The following CDH12 variants were observed in gnomAD, a reference collection of about 807,000 sequenced individuals.
CDH12 encodes cadherin 12, also known as cadherin-12.
CDH12 carries 41 observed loss-of-function variants against 74.1 expected under a neutral mutation model. That is an observed-to-expected ratio of 0.55 (90% confidence interval 0.43 to 0.72). CDH12 has a LOEUF of 0.72. Among genes scored for constraint, CDH12 ranks in the 30% least tolerant of loss-of-function variants. The probability of loss-of-function intolerance (pLI) is 0.00; values close to 1 mark genes in which losing one functional copy is unlikely to be tolerated. For synonymous variants in CDH12, 399 were observed against 355.0 expected (o/e 1.12, Z -1.39); for missense variants, 945 against 977.2 (o/e 0.97, Z 0.44).
intron 1 of CDH12, among the ~76,000 whole-genome samples, chr5:22,613,297 T>G (rs1464305137): frequency 6.6e-6 from 1 of 152,124 alleles, no homozygotes; most frequent in East Asian, 1.9e-4. Context: ...GAGAAGATAA[T>G]TTTTATAAAT....
At chr5:21,853,714 AATGT>A (rs1289649445) in intron 7 of CDH12, among the ~76,000 whole-genome samples, 1 of 151,700 alleles carries the variant, frequency 6.6e-6, no homozygotes, top group Non-Finnish European at 1.5e-5. Context: ...AACTTATTTG[AATGT>A]ATAGTGTCTG....
At chr5:22,530,155 C>T (rs1195629898) in intron 1 of CDH12, among the ~76,000 whole-genome samples, 2 of 152,052 alleles carry the variant, frequency 1.3e-5, no homozygotes, top group African/African-American at 4.8e-5. Context: ...GAGTAAGTTC[C>T]TTCTGAAGAA....
At chr5:22,116,608 GA>G (rs1282291134) in intron 4 of CDH12, among the ~76,000 whole-genome samples, 1,542 of 132,154 alleles carry the variant, frequency 0.012, 23 homozygotes, top group African/African-American at 0.039. Context: ...CTGTTTCAAA[GA>G]AAAAAAAAAA....
intron 1 of CDH12, among the ~76,000 whole-genome samples, chr5:22,781,920 G>A (rs909973175): frequency 1.3e-5 from 2 of 152,134 alleles, no homozygotes; most frequent in African/African-American, 2.4e-5. Flanking sequence ...GATCACTTTG[G>A]AACTTTAAGA....
At chr5:21,965,567 T>C (rs1561333338) in intron 6 of CDH12, among the ~76,000 whole-genome samples, 1 of 152,000 alleles carries the variant, frequency 6.6e-6, no homozygotes, top group African/African-American at 2.4e-5. Flanking sequence ...GTTCATTTTG[T>C]TAATTATTTG....
At chr5:22,561,946 A>G (rs1216918915) in intron 1 of CDH12, among the ~76,000 whole-genome samples, 1 of 152,188 alleles carries the variant, frequency 6.6e-6, no homozygotes, top group Admixed American at 6.5e-5. Flanking sequence ...TTCTTATTGA[A>G]GATAATTAAG....
At chr5:22,617,444 T>C (rs1379986060) in intron 1 of CDH12, among the ~76,000 whole-genome samples, 1 of 152,090 alleles carries the variant, frequency 6.6e-6, no homozygotes, top group Non-Finnish European at 1.5e-5. Flanking sequence ...AGATCATATG[T>C]TTAGGAAAAA....
chr5:22,472,181 A>C (rs1745986448), intron 2 of CDH12, among the ~76,000 whole-genome samples: 1 of 152,134 alleles, frequency 6.6e-6, no homozygotes, highest in African/African-American at 2.4e-5. Flanking sequence ...TTAGTTTAAA[A>C]AATTCTTATT....
chr5:21,790,136 A>T (rs1746409989), intron 10 of CDH12, among the ~76,000 whole-genome samples: 1 of 152,054 alleles, frequency 6.6e-6, no homozygotes, highest in Admixed American at 6.6e-5. Context: ...GATTGGGAAA[A>T]TTGATCACCT....
At chr5:22,162,899 T>A (rs1748447421) in intron 4 of CDH12, among the ~76,000 whole-genome samples, 1 of 144,506 alleles carries the variant, frequency 6.9e-6, no homozygotes, top group Non-Finnish European at 1.5e-5. Flanking sequence ...GACTTTTTTT[T>A]TTTTTTTTTT....
At chr5:22,601,738 C>T (rs1193392118) in intron 1 of CDH12, among the ~76,000 whole-genome samples, 1 of 151,958 alleles carries the variant, frequency 6.6e-6, no homozygotes, top group Non-Finnish European at 1.5e-5. Flanking sequence ...TGTGAAAAAT[C>T]AAATGAATCT....
intron 3 of CDH12, among the ~76,000 whole-genome samples, chr5:22,227,837 G>C (rs565798142): frequency 6.6e-6 from 1 of 152,084 alleles, no homozygotes; most frequent in Non-Finnish European, 1.5e-5. Context: ...TGGAAACAGA[G>C]TAATTCCAAT....
chr5:22,355,969 C>G (rs1474890539), intron 3 of CDH12, among the ~76,000 whole-genome samples: 1 of 152,160 alleles, frequency 6.6e-6, no homozygotes, highest in East Asian at 1.9e-4. Flanking sequence ...TATGCCATCA[C>G]TGGCCTTCTG....
chr5:21,905,111 T>C, intron 6 of CDH12, among the ~76,000 whole-genome samples: 1 of 152,148 alleles, frequency 6.6e-6, no homozygotes, highest in Non-Finnish European at 1.5e-5. Context: ...TAGAAAAAGG[T>C]ATCAAAAATA....
At chr5:22,484,416 T>A (rs556429783) in intron 2 of CDH12, among the ~76,000 whole-genome samples, 1 of 152,296 alleles carries the variant, frequency 6.6e-6, no homozygotes, top group East Asian at 1.9e-4. Flanking sequence ...GGATCTGAAC[T>A]CTGTCTCCCA....
chr5:21,774,258 C>G (rs1483792856), intron 11 of CDH12: 1 of 152,180 alleles, frequency 6.6e-6, no homozygotes, highest in Non-Finnish European at 1.5e-5. Flanking sequence ...AATAAGCTCA[C>G]TGAGTCTTCC....
intron 4 of CDH12, among the ~76,000 whole-genome samples, chr5:22,145,081 C>T (rs1031160220): frequency 6.6e-6 from 1 of 152,002 alleles, no homozygotes; most frequent in African/African-American, 2.4e-5. Flanking sequence ...AATTAAATTG[C>T]TTTTTGGAAA....
chr5:22,078,555 T>C lies in CDH12; in HGVS notation c.122A>G (p.His41Arg). The C allele has an allele frequency of 6.2e-7, 1 of 1,613,976 alleles. No homozygotes were observed. Among genetic ancestry groups the C allele is most frequent in the Non-Finnish European group, 8.5e-7 (1 of 1,179,882 alleles). Residue 41 changes from histidine (H) to arginine (R), a missense_variant, in exon 5 of 15, where the codon CAT becomes CGT. By Grantham distance (29) the His-to-Arg change is conservative. This residue lies in a region of CDH12 where 148 missense variants were observed against 162.8 expected (regional missense o/e 0.91). Coordinates refer to ENST00000382254, the MANE Select transcript of CDH12 (RefSeq NM_004061.5). ...LATEPRENVI[H>R]LPGQRSHFQR... ...GAAATGTGACCGTTGTCCTGGCAGA[T>C]GGATAACATTTTCTCTTGGCTCTGT...
chr5:21,753,639 C>T (rs1744221396), intron 14 of CDH12, among the ~76,000 whole-genome samples: 1 of 151,600 alleles, frequency 6.6e-6, no homozygotes, highest in Non-Finnish European at 1.5e-5. Context: ...TCAAGGAGGT[C>T]AAAGATTAGA....
Sources: gnomAD v4.1 joint callset for allele counts (sites outside exome capture counted in the v4.1 genomes callset) on GRCh38, gnomAD v4.1.1 for gene constraint, gnomAD v4.1.1 regional missense constraint, MANE v1.5 for transcripts, NCBI Gene and HGNC (gene_info 2026-07-23, HGNC 2026-07-21) for gene names.